Variants in ACVR1 observed in about 807,000 individuals in gnomAD.
ACVR1 encodes activin A receptor type 1.
In ACVR1, 38 loss-of-function variants were observed where a neutral mutation model predicts 57.1. The observed-to-expected ratio is 0.67, with a 90% CI of 0.51 to 0.87. ACVR1 has a LOEUF of 0.87. ACVR1 is among the 40% of genes least tolerant of loss of function. The pLI is 0.00. For synonymous variants in ACVR1, 212 were observed against 228.1 expected (o/e 0.93, Z 0.63); for missense variants, 463 against 638.2 (o/e 0.73, Z 2.96).
In ACVR1 at chr2:157,761,047, T is replaced by C; in HGVS notation, c.1097A>G (p.Asn366Ser). 2.5e-6 allele frequency: 4 copies of C among 1,614,072 alleles called. No individual in the cohort carries two copies. Among genetic ancestry groups the C allele is most frequent in the Non-Finnish European group, 3.4e-6 (4 of 1,179,992 alleles). The change falls in exon 9 of 11, where the codon AAT (asparagine) becomes AGT (serine). Residue 366 changes from asparagine (N) to serine (S), a missense_variant. Around this residue, in one of 3 missense-constraint regions of ACVR1, gnomAD observed 146 missense variants for 186.6 expected, o/e 0.78. Coordinates refer to ENST00000434821, the MANE Select transcript of ACVR1 (RefSeq NM_001111067.4). ...GGGATTGTTCCCCACATCAAGCTGA[T>C]TGGTGCTCTGGGAATGCATGACTGC... ...GLAVMHSQST[N>S]QLDVGNNPRV...
At chr2:157,767,098 C>G (rs1685891085) in intron 7 of ACVR1, among the ~76,000 whole-genome samples, 1 of 152,044 alleles carries the variant, frequency 6.6e-6, no homozygotes. Flanking sequence ...ATGGCGCGAT[C>G]TCGGTTCACT....
At chr2:157,761,757 C>A (rs1352815466) in intron 8 of ACVR1, among the ~76,000 whole-genome samples, 2 of 152,164 alleles carry the variant, frequency 1.3e-5, no homozygotes, top group Non-Finnish European at 2.9e-5. Flanking sequence ...GGGAGACAGG[C>A]TTTCTTCACT....
intron 9 of ACVR1, among the ~76,000 whole-genome samples, chr2:157,750,754 A>T (rs2105235411): frequency 6.6e-6 from 1 of 152,352 alleles, no homozygotes; most frequent in Non-Finnish European, 1.5e-5. Flanking sequence ...CCAATGAAGA[A>T]AAAATAGGTA....
At chr2:157,836,471 C>T (rs1331617173) in intron 1 of ACVR1, among the ~76,000 whole-genome samples, 2 of 152,202 alleles carry the variant, frequency 1.3e-5, no homozygotes, top group African/African-American at 4.8e-5. Flanking sequence ...CCTCCCTACA[C>T]ATTTTATCCA....
In ACVR1 at chr2:157,778,173, G is replaced by C. The variant is rs368751955; in HGVS notation, c.501C>G (p.Ile167Met). ...CAACATTGGTGGTGATGAGCCCTTC[G>C]ATAGTGCCATACTCCACGTCTCGGG... The part of the protein sequence containing the change: ...LNPRDVEYGT[I>M]EGLITTNVGD... The change falls in exon 5 of 11, where the codon ATC (isoleucine) becomes ATG (methionine). Residue 167 changes from isoleucine (I) to methionine (M), a missense_variant. Around this residue, in one of 3 missense-constraint regions of ACVR1, gnomAD observed 203 missense variants for 235.5 expected, o/e 0.86. Transcript: ENST00000434821. 1 of 1,613,804 alleles carries C rather than the reference G, an allele frequency of 6.2e-7. No individual in the cohort carries two copies. The highest frequency in any genetic ancestry group is 1.1e-5 in the South Asian group (1 of 91,038).
intron 5 of ACVR1, among the ~76,000 whole-genome samples, chr2:157,777,163 T>C (rs993475957): frequency 1.2e-4 from 19 of 152,238 alleles, no homozygotes; most frequent in Non-Finnish European, 1.6e-4. Flanking sequence ...AAATGAACAC[T>C]TGGTAAGCAA....
Position 157,864,341 on chromosome 2 carries a change from G to C in ACVR1, c.-183+11455C>G, listed in dbSNP as rs943547036. Among the ~76,000 whole-genome samples the C allele has an allele frequency of 3.3e-5, 5 of 151,898 alleles. No homozygotes were observed. In the South Asian group the frequency reaches 1.0e-3, roughly 32 times the overall value. ...TCCTCCCACCTCAGCCTCCTGAGTA[G>C]CTGGGTCTACAGCCACATGCCACCA... On this transcript the variant is annotated intron_variant, in intron 1 of 10. Transcript: ENST00000434821.
intron 2 of ACVR1, among the ~76,000 whole-genome samples, chr2:157,818,001 C>A (rs374581022): frequency 8.8e-3 from 1,090 of 124,238 alleles, no homozygotes; most frequent in African/African-American, 0.01. Flanking sequence ...GACTCCGTCT[C>A]AAAAAAAAAA....
At chr2:157,847,201 G>T (rs77705296) in intron 1 of ACVR1, among the ~76,000 whole-genome samples, 1 of 152,020 alleles carries the variant, frequency 6.6e-6, no homozygotes, top group Non-Finnish European at 1.5e-5. Flanking sequence ...CAAATTTAAC[G>T]AAACAATTAT....
intron 9 of ACVR1, among the ~76,000 whole-genome samples, chr2:157,756,978 T>G (rs1685451774): frequency 7.0e-6 from 1 of 143,418 alleles, no homozygotes; most frequent in Non-Finnish European, 1.5e-5. Context: ...TATATTTATA[T>G]ATATATATTT....
intron 2 of ACVR1, among the ~76,000 whole-genome samples, chr2:157,800,831 G>A (rs1285724896): frequency 6.6e-6 from 1 of 151,946 alleles, no homozygotes; most frequent in Admixed American, 6.6e-5. Context: ...ACACATCTCT[G>A]TACCTTTGGA....
chr2:157,804,995 C>T (rs1378209556), intron 2 of ACVR1, among the ~76,000 whole-genome samples: 1 of 152,166 alleles, frequency 6.6e-6, no homozygotes, highest in Non-Finnish European at 1.5e-5. Flanking sequence ...GCCACAGATA[C>T]CCCACAATGT....
At chr2:157,863,350 T>C (rs1689799936) in intron 1 of ACVR1, among the ~76,000 whole-genome samples, 1 of 117,334 alleles carries the variant, frequency 8.5e-6, no homozygotes, top group African/African-American at 3.1e-5. Flanking sequence ...TTTTTTTTTT[T>C]TTTTTTTTTT....
intron 5 of ACVR1, among the ~76,000 whole-genome samples, chr2:157,775,972 C>T (rs763062732): frequency 1.1e-4 from 16 of 152,206 alleles, no homozygotes; most frequent in Non-Finnish European, 2.2e-4. Context: ...GATCTTCCCC[C>T]TTGGGCTCCC....
At chr2:157,844,501 A>G (rs751179798) in intron 1 of ACVR1, among the ~76,000 whole-genome samples, 2 of 152,062 alleles carry the variant, frequency 1.3e-5, no homozygotes, top group Non-Finnish European at 2.9e-5. Context: ...ATTAACAAAC[A>G]AACAAAAAAA....
chr2:157,743,493 T>C (rs1003620907), intron 9 of ACVR1, among the ~76,000 whole-genome samples: 12 of 152,060 alleles, frequency 7.9e-5, no homozygotes, highest in African/African-American at 2.9e-4. Context: ...TTACAGACAC[T>C]AGATACACAA....
intron 2 of ACVR1, chr2:157,807,097 T>A (rs982414398): frequency 2.0e-5 from 3 of 151,952 alleles, no homozygotes; most frequent in African/African-American, 7.3e-5. Flanking sequence ...ACCCTAGATA[T>A]GGTTTGGGAA....
intron 2 of ACVR1, among the ~76,000 whole-genome samples, chr2:157,800,311 G>T (rs1687276200): frequency 1.3e-5 from 2 of 152,052 alleles, no homozygotes; most frequent in African/African-American, 4.8e-5. Flanking sequence ...TATCTAGCAT[G>T]TCTGGAGTGT....
intron 10 of ACVR1, 66 bp from the exon 11 acceptor site, chr2:157,737,731 T>C: frequency 6.3e-7 from 1 of 1,587,908 alleles, no homozygotes; most frequent in Non-Finnish European, 8.6e-7. Context: ...GAAGCTGGGC[T>C]GATATCATGT....
Sources: gnomAD v4.1 joint callset for allele counts (sites outside exome capture counted in the v4.1 genomes callset) on GRCh38, gnomAD v4.1.1 for gene constraint, gnomAD v4.1.1 regional missense constraint, MANE v1.5 for transcripts, NCBI Gene and HGNC (gene_info 2026-07-23, HGNC 2026-07-21) for gene names.